Variants in TSC22D3 observed in about 807,000 individuals in gnomAD.
TSC22D3 encodes the protein TSC22 domain family protein 3.
In TSC22D3, 4 loss-of-function variants were observed where a neutral mutation model predicts 11.1. The ratio of observed to expected loss-of-function variants is 0.36; its 90% CI spans 0.18 to 0.83. The LOEUF (loss-of-function observed/expected upper bound fraction) is 0.83. Ranked by LOEUF, TSC22D3 falls within the 40% of genes least tolerant of loss-of-function variation. TSC22D3 has a pLI of 0.48. For synonymous variants in TSC22D3, 77 were observed against 70.3 expected (o/e 1.10, Z -0.48); for missense variants, 118 against 159.4 (o/e 0.74, Z 1.40).
intron 1 of TSC22D3, chrX:107,716,545 T>TGCCCCCC: frequency 2.5e-6 from 2 of 796,131 alleles, no homozygotes; most frequent in Non-Finnish European, 3.0e-6. Flanking sequence ...CCTTCCTGCG[T>TGCCCCCC]CCCCTCCCCC....
intron 1 of TSC22D3, among the ~76,000 whole-genome samples, chrX:107,724,337 T>C (rs1183516154): frequency 4.4e-5 from 5 of 112,872 alleles, no homozygotes; most frequent in African/African-American, 1.6e-4. Flanking sequence ...GCACCAGGGA[T>C]CTCAAAGGAG....
chrX:107,742,766 C>A (rs187209584), intron 1 of TSC22D3, among the ~76,000 whole-genome samples: 16 of 111,948 alleles, frequency 1.4e-4, no homozygotes, highest in Non-Finnish European at 2.5e-4. Context: ...CGGCCCCAGA[C>A]CCCAGACAGT....
At chrX:107,716,150 GGCTCAGC>G (rs904507437) in intron 1 of TSC22D3, 200 bp from the exon 2 acceptor site, 2 of 638,586 alleles carry the variant, frequency 3.1e-6, no homozygotes, top group Admixed American at 8.0e-5. Flanking sequence ...CATCCAGGCC[GGCTCAGC>G]GCTGCTGCCG....
chrX:107,743,530 C>G (rs746088684), intron 1 of TSC22D3, among the ~76,000 whole-genome samples: 1 of 111,871 alleles, frequency 8.9e-6, no homozygotes, highest in African/African-American at 3.3e-5. Flanking sequence ...GCAGGTATTT[C>G]GGGCCCCAGA....
chrX:107,722,565 G>A (rs750440830), intron 1 of TSC22D3, among the ~76,000 whole-genome samples: 2 of 111,925 alleles, frequency 1.8e-5, no homozygotes, highest in African/African-American at 3.3e-5. Flanking sequence ...ATTTATTGGC[G>A]ACTTATCCAG....
chrX:107,718,931 A>T (rs1927194034), intron 1 of TSC22D3, among the ~76,000 whole-genome samples: 2 of 111,714 alleles, frequency 1.8e-5, no homozygotes, highest in African/African-American at 6.5e-5. Context: ...CTAAAAAAAA[A>T]AACCTCTTAA....
intron 1 of TSC22D3, chrX:107,716,702 T>C: frequency 1.7e-6 from 2 of 1,209,053 alleles, no homozygotes; most frequent in Non-Finnish European, 2.2e-6. Context: ...GTTGTCCAGC[T>C]TAACGGAAAC....
At chrX:107,750,525 C>A (rs1928890248) in intron 1 of TSC22D3, among the ~76,000 whole-genome samples, 1 of 111,538 alleles carries the variant, frequency 9.0e-6, no homozygotes, top group Admixed American at 9.6e-5. Context: ...CCCAGCATCA[C>A]AGGCAAGGGG....
At chrX:107,768,228 G>A (rs1175554984) in intron 1 of TSC22D3, among the ~76,000 whole-genome samples, 1 of 111,913 alleles carries the variant, frequency 8.9e-6, no homozygotes, top group African/African-American at 3.2e-5. Context: ...CCCACCAGGT[G>A]GGGGCAAGAA....
chrX:107,760,156 G>A (rs375431635), intron 1 of TSC22D3, among the ~76,000 whole-genome samples: 19 of 113,086 alleles, frequency 1.7e-4, no homozygotes, highest in African/African-American at 4.5e-4. Flanking sequence ...TTTCCAACCC[G>A]AACAGCAAGC....
chrX:107,720,105 C>T (rs1022009873), intron 1 of TSC22D3, among the ~76,000 whole-genome samples: 1 of 109,949 alleles, frequency 9.1e-6, no homozygotes, highest in Non-Finnish European at 1.9e-5. Flanking sequence ...CCCCACTCAC[C>T]GGCAACTCTT....
chrX:107,730,605 C>T (rs1927839351), intron 1 of TSC22D3, among the ~76,000 whole-genome samples: 1 of 112,036 alleles, frequency 8.9e-6, no homozygotes, highest in Admixed American at 9.4e-5. Flanking sequence ...CTTGACCATT[C>T]TCAGGACAGG....
At chrX:107,749,178 T>TACACACACACACACAC (rs61681572) in intron 1 of TSC22D3, among the ~76,000 whole-genome samples, 1 of 87,358 alleles carries the variant, frequency 1.1e-5, no homozygotes, top group East Asian at 3.9e-4. Context: ...CTACTAAAAA[T>TACACACACACACACAC]ACACACACAC....
At chrX:107,730,968 C>T (rs1179110181) in intron 1 of TSC22D3, among the ~76,000 whole-genome samples, 1 of 112,284 alleles carries the variant, frequency 8.9e-6, no homozygotes, top group Non-Finnish European at 1.9e-5. Context: ...GTCTCCTTCA[C>T]AAAAATCAAA....
intron 1 of TSC22D3, among the ~76,000 whole-genome samples, chrX:107,753,862 T>A (rs5917068): frequency 0.025 from 2,797 of 110,888 alleles, 31 homozygotes; most frequent in Middle Eastern, 0.046. Flanking sequence ...GCCCAAATAA[T>A]TAAGAAGGCA....
chrX:107,718,774 T>A (rs1927183389), intron 1 of TSC22D3, among the ~76,000 whole-genome samples: 1 of 112,478 alleles, frequency 8.9e-6, no homozygotes, highest in Non-Finnish European at 1.9e-5. Flanking sequence ...TTTTTCTTCA[T>A]CTCACTTTAG....
At chrX:107,734,412 T>C (rs755802078) in intron 1 of TSC22D3, among the ~76,000 whole-genome samples, 1 of 112,559 alleles carries the variant, frequency 8.9e-6, no homozygotes, top group Non-Finnish European at 1.9e-5. Context: ...ATTTCAACCC[T>C]CCTCTTCACA....
At chrX:107,758,787 G>A (rs1929293306) in intron 1 of TSC22D3, among the ~76,000 whole-genome samples, 1 of 112,369 alleles carries the variant, frequency 8.9e-6, no homozygotes. Context: ...TGGGAGACAT[G>A]TGGTTAAGGA....
chrX:107,723,776 G>A (rs1927474946), intron 1 of TSC22D3, among the ~76,000 whole-genome samples: 1 of 112,742 alleles, frequency 8.9e-6, no homozygotes, highest in Non-Finnish European at 1.9e-5. Flanking sequence ...GTTACTTTGA[G>A]TAGCATGTGA....
Sources: allele counts gnomAD v4.1 joint callset (sites outside exome capture counted in the v4.1 genomes callset), GRCh38; gene constraint gnomAD v4.1.1; transcripts MANE v1.5; gene names NCBI Gene and HGNC (gene_info 2026-07-23, HGNC 2026-07-21).